Variants in RNH1 observed in about 807,000 individuals in gnomAD.
RNH1 encodes ribonuclease/angiogenin inhibitor 1.
A neutral mutation model predicts 46.1 loss-of-function variants in RNH1; 38 were observed. That is an observed-to-expected ratio of 0.82 (90% CI 0.64 to 1.08). RNH1 has a LOEUF of 1.08. RNH1 is among the 50% of genes least tolerant of loss of function. RNH1 has a pLI of 0.00. For missense variants in RNH1, 577 were observed against 590.7 expected (o/e 0.98, Z 0.24); for synonymous variants, 319 against 279.1 (o/e 1.14, Z -1.43).
chr11:494,643 G>T lies in RNH1; in HGVS notation c.*48C>A. On this transcript the variant is annotated 3_prime_UTR_variant, in exon 11 of 11. Transcript: ENST00000354420. ...CATGGCAGGGGCTGGTGGGCCCCAG[G>T]GTTGCCTCGAGGCCGGTCGTCCAGG... The T allele has an allele frequency of 6.4e-7, 1 of 1,566,472 alleles. No homozygotes were observed. Among genetic ancestry groups the T allele is most frequent in the Non-Finnish European group, 8.8e-7 (1 of 1,138,584 alleles).
At chr11:500,316 C>A (rs554318166) in intron 4 of RNH1, 168 bp downstream of exon 4, 13 of 839,816 alleles carry the variant, frequency 1.5e-5, no homozygotes, top group Middle Eastern at 7.3e-4. Context: ...CTGTCCCCCC[C>A]GCTGTGAGAC....
intron 3 of RNH1, 157 bp from the exon 4 acceptor site, chr11:500,811 T>A (rs1371341611): frequency 2.2e-6 from 2 of 892,282 alleles, no homozygotes; most frequent in Non-Finnish European, 3.6e-6. Flanking sequence ...AAGGAGGAAC[T>A]GTTCCATGAA....
Sources: allele counts gnomAD v4.1 joint callset, GRCh38; gene constraint gnomAD v4.1.1; transcripts MANE v1.5; gene names NCBI Gene and HGNC (gene_info 2026-07-23, HGNC 2026-07-21).